Variants in FBXL18 observed in about 807,000 individuals in gnomAD.
FBXL18 encodes the protein F-box/LRR-repeat protein 18.
FBXL18 carries 36 observed loss-of-function variants against 46.0 expected under a neutral mutation model. The observed-to-expected ratio is 0.78, with a 90% CI of 0.60 to 1.03. The LOEUF (loss-of-function observed/expected upper bound fraction) is 1.03, where lower values mean the gene tolerates loss of function less well. Among genes scored for constraint, FBXL18 ranks in the 50% least tolerant of loss-of-function variants. The pLI is 0.00. For missense variants in FBXL18, 977 were observed against 1,004.1 expected (o/e 0.97, Z 0.36); for synonymous variants, 557 against 465.3 (o/e 1.20, Z -2.54).
intron 4 of FBXL18, among the ~76,000 whole-genome samples, chr7:5,463,729 T>TATA (rs1562672305): frequency 1.3e-3 from 13 of 10,064 alleles, no homozygotes; most frequent in African/African-American, 2.7e-3. Flanking sequence ...TATTTATTTA[T>TATA]TTTTTTTTTT....
downstream of FBXL18, among the ~76,000 whole-genome samples, chr7:5,475,467 G>A (rs1388715354): frequency 6.6e-6 from 1 of 152,166 alleles, no homozygotes; most frequent in East Asian, 1.9e-4. This position sits in a 1 kb window ranked among gnomAD's most constrained non-coding sequence, Gnocchi z 4.2. Flanking sequence ...GGAGGCTTTT[G>A]CAGTGTGTAG....
intron 2 of FBXL18, among the ~76,000 whole-genome samples, chr7:5,504,789 G>A (rs1317501986): frequency 3.4e-5 from 5 of 149,026 alleles, no homozygotes; most frequent in Admixed American, 2.0e-4. Context: ...GGTGGCGGGC[G>A]CCTGTAGTCC....
intron 1 of FBXL18, among the ~76,000 whole-genome samples, chr7:5,509,238 C>T (rs1784468689): frequency 6.7e-6 from 1 of 148,570 alleles, no homozygotes; most frequent in Non-Finnish European, 1.5e-5. Flanking sequence ...TCCACAGTTA[C>T]ACGACCACAC....
intron 4 of FBXL18, among the ~76,000 whole-genome samples, chr7:5,462,950 C>CAAAAAAAAAAAAAAAAAAAAAAAA (rs138208570): frequency 4.5e-5 from 1 of 22,380 alleles, no homozygotes; most frequent in Non-Finnish European, 9.4e-5. Context: ...GACTTGGTCT[C>CAAAAAAAAAAAAAAAAAAAAAAAA]AAAAAAAAAA....
chr7:5,477,155 G>A lies in FBXL18; in HGVS notation c.*4620C>T, dbSNP rs1189020270. ...GCCTGCCTCAGCCTCCTAAAGTGCTGGGATTACAGGCGTGAGCCACTGCGC... is the reference window on the plus strand; with the variant it reads ...GCCTGCCTCAGCCTCCTAAAGTGCTAGGATTACAGGCGTGAGCCACTGCGC... On this transcript the variant is annotated 3_prime_UTR_variant, in exon 5 of 5. Coordinates refer to ENST00000382368, the MANE Select transcript of FBXL18 (RefSeq NM_024963.6). This position sits in a 1 kb window ranked among gnomAD's most constrained non-coding sequence, Gnocchi z 4.4. The A allele has an allele frequency of 6.6e-6, 1 of 152,228 alleles. No homozygotes were observed. Among genetic ancestry groups the A allele is most frequent in the Non-Finnish European group, 1.5e-5 (1 of 68,140 alleles). 9.4% of individuals were successfully genotyped at this position (152,228 alleles called of 1,614,324 possible).
intron 4 of FBXL18, among the ~76,000 whole-genome samples, chr7:5,460,373 T>C (rs2128230816): frequency 6.6e-6 from 1 of 152,348 alleles, no homozygotes; most frequent in Non-Finnish European, 1.5e-5. Flanking sequence ...AGGCCAATAG[T>C]TGAAGACACA....
chr7:5,499,499 C>A (rs1784172677), intron 3 of FBXL18, among the ~76,000 whole-genome samples: 1 of 152,098 alleles, frequency 6.6e-6, no homozygotes, highest in African/African-American at 2.4e-5. Context: ...GAGGCTGAGG[C>A]AGGTGAATCA....
intron 4 of FBXL18, among the ~76,000 whole-genome samples, chr7:5,457,485 G>A (rs1458019358): frequency 1.3e-5 from 2 of 152,194 alleles, no homozygotes; most frequent in African/African-American, 2.4e-5. Flanking sequence ...TTTCGAGCTA[G>A]GTTTTTTATT....
intron 4 of FBXL18, among the ~76,000 whole-genome samples, chr7:5,460,025 T>G (rs1039376930): frequency 1.1e-4 from 16 of 152,134 alleles, no homozygotes; most frequent in Admixed American, 2.6e-4. Flanking sequence ...TTTGGGAGGC[T>G]GAGGCGGAAG....
rs142770891 is a variant in FBXL18 at position 5,495,091 on chromosome 7, G to A, written c.1782-3642C>T. 3.5e-3 allele frequency among the ~76,000 whole-genome samples: 539 copies of A among 152,270 alleles called. 4 individuals carry two copies. Among genetic ancestry groups the A allele is most frequent in the Non-Finnish European group, 5.5e-3 (377 of 68,004 alleles). On this transcript the variant is annotated intron_variant, in intron 3 of 4. Coordinates refer to ENST00000382368, the MANE Select transcript of FBXL18 (RefSeq NM_024963.6). ...TGACCTGACTCGAGTGACCGGCAGC[G>A]TCTGCAGGGAGGATGGGGACGAGGA...
intron 4 of FBXL18, among the ~76,000 whole-genome samples, 197 bp downstream of exon 4, chr7:5,491,034 C>A (rs1392050424): frequency 6.6e-6 from 1 of 152,176 alleles, no homozygotes; most frequent in Non-Finnish European, 1.5e-5. Context: ...AGAAAATTTA[C>A]CATGTGGCTA....
intron 1 of FBXL18, among the ~76,000 whole-genome samples, chr7:5,509,718 A>AAAAAAG (rs1330271302): frequency 6.6e-6 from 1 of 151,236 alleles, no homozygotes; most frequent in African/African-American, 2.4e-5. Flanking sequence ...AAAAAAAAAA[A>AAAAAAG]AGAGAAGTTT....
chr7:5,494,435 C>A (rs1054357460), intron 3 of FBXL18, among the ~76,000 whole-genome samples: 13 of 151,698 alleles, frequency 8.6e-5, no homozygotes, highest in East Asian at 3.9e-4. Context: ...CTGTCTCACA[C>A]AAAAAAATAA....
Position 5,479,552 on chromosome 7 carries a change from G to A in FBXL18, c.*2223C>T, listed in dbSNP as rs557755588. The A allele has an allele frequency of 6.6e-6, 1 of 152,388 alleles. No individual in the cohort carries two copies. Among genetic ancestry groups the A allele is most frequent in the African/African-American group, 2.4e-5 (1 of 41,556 alleles). 9.4% of individuals were successfully genotyped at this position (152,388 alleles called of 1,614,324 possible). ...TTTAAAGCTCTAAAGAAATGCCCAG[G>A]AACTGTGGGTGGGGGGGGTGCTCCC... On this transcript the variant is annotated 3_prime_UTR_variant, in exon 5 of 5. Transcript: ENST00000382368.
At chr7:5,504,004 G>A (rs181979777) in intron 2 of FBXL18, among the ~76,000 whole-genome samples, 1 of 151,480 alleles carries the variant, frequency 6.6e-6, no homozygotes, top group African/African-American at 2.4e-5. Flanking sequence ...ACACCGAGAG[G>A]CACTGGCTAG....
intron 2 of FBXL18, among the ~76,000 whole-genome samples, chr7:5,502,940 A>C (rs1163376976): frequency 6.6e-6 from 1 of 152,228 alleles, no homozygotes; most frequent in Non-Finnish European, 1.5e-5. Context: ...AGGAACTGAA[A>C]ACTGAGACTC....
Position 5,455,951 on chromosome 7 carries a change from G to A in FBXL18, c.2001-8108C>T, listed in dbSNP as rs551130694. Among the ~76,000 whole-genome samples, 64 of 152,192 alleles carry A rather than the reference G, an allele frequency of 4.2e-4. 1 individual carries two copies. The highest frequency in any genetic ancestry group is 7.8e-4 in the Admixed American group (12 of 15,288). The stretch of plus-strand genomic sequence containing the variant: ...CATCGCAGTCTAACAGCTCCCTGCC[G>A]CATTTCGTTCCCTCTGTGCTCCTTC... On this transcript the variant is annotated intron_variant and NMD_transcript_variant, in intron 4 of 6. Transcript: ENST00000415009. The surrounding 1 kb of genome is among the most constrained non-coding windows in gnomAD (Gnocchi z 4.6).
downstream of FBXL18, among the ~76,000 whole-genome samples, chr7:5,471,238 G>A (rs924582866): frequency 1.3e-5 from 2 of 152,216 alleles, no homozygotes; most frequent in East Asian, 1.9e-4. Flanking sequence ...TGGCTCTTCC[G>A]CCCTCCTCCA....
intron 4 of FBXL18, among the ~76,000 whole-genome samples, chr7:5,454,427 C>T (rs1357780161): frequency 6.6e-6 from 1 of 152,100 alleles, no homozygotes; most frequent in Non-Finnish European, 1.5e-5. Flanking sequence ...ACAAGTGATC[C>T]TCCTGCCTCG....
Sources: gnomAD v4.1 joint callset for allele counts (sites outside exome capture counted in the v4.1 genomes callset) on GRCh38, gnomAD v4.1.1 for gene constraint, Gnocchi (gnomAD v3.1) non-coding constraint, MANE v1.5 for transcripts, NCBI Gene and HGNC (gene_info 2026-07-23, HGNC 2026-07-21) for gene names.